Variants in PI15 observed in about 807,000 individuals in gnomAD.
PI15 encodes the protein peptidase inhibitor 15, also known as 25 kDa trypsin inhibitor.
A neutral mutation model predicts 31.0 loss-of-function variants in PI15; 18 were observed. The ratio of observed to expected loss-of-function variants is 0.58; its 90% CI spans 0.40 to 0.86. The LOEUF is 0.86. Ranked by LOEUF, PI15 falls within the 40% of genes least tolerant of loss-of-function variation. The pLI is 0.00. For synonymous variants in PI15, 118 were observed against 119.1 expected (o/e 0.99, Z 0.06); for missense variants, 282 against 328.1 (o/e 0.86, Z 1.09).
chr8:74,847,277 C>T (rs1365730946), intron 5 of PI15, among the ~76,000 whole-genome samples: 1 of 151,920 alleles, frequency 6.6e-6, no homozygotes, highest in Non-Finnish European at 1.5e-5. Context: ...AAAACCCTGT[C>T]TCTACTAAAA....
chr8:74,836,200 G>A (rs974471030), intron 2 of PI15, among the ~76,000 whole-genome samples: 2 of 152,164 alleles, frequency 1.3e-5, no homozygotes, highest in African/African-American at 4.8e-5. Flanking sequence ...GGTTTATGTT[G>A]CAACTACTGA....
At chr8:74,843,845 G>C in intron 2 of PI15, 136 bp from the exon 3 acceptor site, 1 of 673,050 alleles carries the variant, frequency 1.5e-6, no homozygotes, top group Admixed American at 2.2e-5. Context: ...ACTCCAGCCC[G>C]GGCAGAAAAA....
At chr8:74,830,784 G>C (rs541558818) in intron 2 of PI15, among the ~76,000 whole-genome samples, 3 of 152,110 alleles carry the variant, frequency 2.0e-5, no homozygotes, top group Non-Finnish European at 4.4e-5. Flanking sequence ...CAATGTTCTT[G>C]CTATAAACAT....
chr8:74,836,647 GAGA>G (rs1001308356), intron 2 of PI15, among the ~76,000 whole-genome samples: 79 of 152,272 alleles, frequency 5.2e-4, no homozygotes, highest in African/African-American at 1.8e-3. Flanking sequence ...CAAAGGGATA[GAGA>G]AGAAGCAGCC....
At position 74,836,179 on chromosome 8, in the gene PI15, G is replaced by T. The variant is rs550658187; in HGVS notation, c.274-7802G>T. Among the ~76,000 whole-genome samples the T allele has an allele frequency of 1.6e-4, 24 of 152,268 alleles. 1 individual carries two copies. In the South Asian group the frequency reaches 4.8e-3, roughly 30 times the overall value. On this transcript the variant is annotated intron_variant, in intron 2 of 5. Coordinates refer to ENST00000260113, the MANE Select transcript of PI15 (RefSeq NM_015886.5). Reference sequence around the variant, plus strand: ...CCTGATAGTAAATATGTTCAGCTTTGCAGGTCTTATGGTTTATGTTGCAAC... The same window carrying T: ...CCTGATAGTAAATATGTTCAGCTTTTCAGGTCTTATGGTTTATGTTGCAAC...
intron 2 of PI15, among the ~76,000 whole-genome samples, chr8:74,837,599 C>T (rs1212419351): frequency 1.3e-5 from 2 of 151,032 alleles, no homozygotes; most frequent in Admixed American, 6.6e-5. Context: ...TTTTTAATGG[C>T]TTTTTTTTTC....
At chr8:74,841,605 A>G (rs980360798) in intron 2 of PI15, among the ~76,000 whole-genome samples, 1 of 152,252 alleles carries the variant, frequency 6.6e-6, no homozygotes, top group African/African-American at 2.4e-5. Flanking sequence ...CAGAATGCAT[A>G]CATGTACTTT....
At position 74,851,545 on chromosome 8, in the gene PI15, A is replaced by T. The variant is rs1369173187; in HGVS notation, c.*2292A>T. The T allele has an allele frequency of 2.0e-5, 3 of 152,050 alleles. No homozygotes were observed. The highest frequency in any genetic ancestry group is 7.2e-5 in the African/African-American group (3 of 41,450). 9.4% of individuals were successfully genotyped at this position (152,050 alleles called of 1,614,324 possible). On this transcript the variant is annotated 3_prime_UTR_variant, in exon 6 of 6. Transcript: ENST00000260113. The stretch of plus-strand genomic sequence containing the variant: ...TTATCATTAATAATATAAAACACTT[A>T]TTTGAGATTAAATTAAATTTTTCAT...
chr8:74,848,240 T>C (rs1586959667), intron 5 of PI15, among the ~76,000 whole-genome samples: 3 of 152,268 alleles, frequency 2.0e-5, no homozygotes, highest in Admixed American at 2.0e-4. Flanking sequence ...AATAAAACTT[T>C]TGAAATCACC....
chr8:74,826,332 A>T, intron 2 of PI15: 3 of 959,992 alleles, frequency 3.1e-6, no homozygotes, highest in Non-Finnish European at 3.7e-6. Flanking sequence ...GGCAATGAAG[A>T]CCATCAATAT....
At chr8:74,839,926 A>G (rs990989654) in intron 2 of PI15, among the ~76,000 whole-genome samples, 1 of 152,158 alleles carries the variant, frequency 6.6e-6, no homozygotes, top group African/African-American at 2.4e-5. Context: ...TGTTTATACA[A>G]TTTACATCCT....
chr8:74,850,035 G>T lies in PI15; in HGVS notation c.*782G>T, dbSNP rs183322314. On this transcript the variant is annotated 3_prime_UTR_variant, in exon 6 of 6. Transcript: ENST00000260113. ...GCAGAGATAATTAGACATGGTTCCCGCCCTCAAGAAGCTCACAAAAGTATT... is the reference window on the plus strand; with the variant it reads ...GCAGAGATAATTAGACATGGTTCCCTCCCTCAAGAAGCTCACAAAAGTATT... 1 of 152,084 alleles carries T rather than the reference G, an allele frequency of 6.6e-6. No homozygotes were observed. The highest frequency in any genetic ancestry group is 2.4e-5 in the African/African-American group (1 of 41,420). The allele number at this position is 152,084 out of a possible 1,614,324, so 9.4% of individuals were successfully genotyped here. A position where few individuals can be genotyped will look rare whatever the true frequency, so the allele number is the denominator to read the frequency against.
Position 74,850,425 on chromosome 8 carries a change from A to C in PI15, c.*1172A>C, listed in dbSNP as rs544487791. The C allele has an allele frequency of 6.6e-6, 1 of 152,340 alleles. No homozygotes were observed. The highest frequency in any genetic ancestry group is 2.1e-4 in the South Asian group (1 of 4,832). The allele number at this position is 152,340 out of a possible 1,614,324, so 9.4% of individuals were successfully genotyped here. A position where few individuals can be genotyped will look rare whatever the true frequency, so the allele number is the denominator to read the frequency against. On this transcript the variant is annotated 3_prime_UTR_variant, in exon 6 of 6. Coordinates refer to ENST00000260113, the MANE Select transcript of PI15 (RefSeq NM_015886.5). ...ATGGGCTATCCTTAGAGTCTAGTAC[A>C]TCTTGAGGCCTCTCAGCAGGAGACA...
intron 2 of PI15, among the ~76,000 whole-genome samples, chr8:74,831,043 A>C (rs1810775166): frequency 6.6e-6 from 1 of 152,172 alleles, no homozygotes; most frequent in Non-Finnish European, 1.5e-5. Context: ...GTTGCTTATT[A>C]TCACTTTGAT....
intron 5 of PI15, among the ~76,000 whole-genome samples, chr8:74,847,609 T>C (rs1408053222): frequency 6.6e-6 from 1 of 152,148 alleles, no homozygotes; most frequent in Non-Finnish European, 1.5e-5. Context: ...CCTTATAGTG[T>C]AGAATAAATT....
At chr8:74,847,960 C>A (rs1811048765) in intron 5 of PI15, among the ~76,000 whole-genome samples, 1 of 152,040 alleles carries the variant, frequency 6.6e-6, no homozygotes, top group African/African-American at 2.4e-5. Context: ...ATTGCTATTT[C>A]TTAGTATTCT....
At chr8:74,848,722 T>TACAATATATATAA (rs1402460876) in intron 5 of PI15, among the ~76,000 whole-genome samples, 1 of 143,058 alleles carries the variant, frequency 7.0e-6, no homozygotes, top group Admixed American at 6.9e-5. Flanking sequence ...TAAATATATA[T>TACAATATATATAA]ATATATATAT....
intron 2 of PI15, among the ~76,000 whole-genome samples, chr8:74,828,660 C>A (rs561054727): frequency 6.6e-6 from 1 of 152,188 alleles, no homozygotes; most frequent in African/African-American, 2.4e-5. Context: ...ACTTAGGACA[C>A]CCCTCACTTG....
At chr8:74,827,288 A>T (rs1477736618) in intron 2 of PI15, among the ~76,000 whole-genome samples, 1 of 152,120 alleles carries the variant, frequency 6.6e-6, no homozygotes, top group East Asian at 1.9e-4. Context: ...AATGCAATTC[A>T]CTATTTTTAT....
Sources: allele counts gnomAD v4.1 joint callset (sites outside exome capture counted in the v4.1 genomes callset), GRCh38; gene constraint gnomAD v4.1.1; transcripts MANE v1.5; gene names NCBI Gene and HGNC (gene_info 2026-07-23, HGNC 2026-07-21).